Variants in QTMAN observed in about 807,000 individuals in gnomAD.
QTMAN encodes the protein queuosine-tRNA mannosyltransferase, also known as tRNA-queuosine alpha-mannosyltransferase.
chr2:144,065,264 G>A, the QTMAN span, among the ~76,000 whole-genome samples: 91 of 152,254 alleles, frequency 6.0e-4, no homozygotes, highest in African/African-American at 2.1e-3. Context: ...CAAACCAAAA[G>A]TGAGGTCTAA....
At chr2:143,994,923 T>C in the QTMAN span, among the ~76,000 whole-genome samples, 1 of 152,210 alleles carries the variant, frequency 6.6e-6, no homozygotes, top group Non-Finnish European at 1.5e-5. Context: ...TTTAAAACAG[T>C]AATGTGCTTA....
the QTMAN span, among the ~76,000 whole-genome samples, chr2:144,327,972 G>A: frequency 6.6e-6 from 1 of 152,140 alleles, no homozygotes; most frequent in African/African-American, 2.4e-5. Context: ...TTATTTTGGA[G>A]ATGGAGTCCC....
At chr2:144,108,906 T>C in the QTMAN span, among the ~76,000 whole-genome samples, 7 of 151,944 alleles carry the variant, frequency 4.6e-5, no homozygotes, top group African/African-American at 7.3e-5. Flanking sequence ...CTCAAAGAAA[T>C]AAAAGAGGAC....
chr2:143,951,802 A>G, the QTMAN span, among the ~76,000 whole-genome samples: 1 of 151,598 alleles, frequency 6.6e-6, no homozygotes, highest in Non-Finnish European at 1.5e-5. Flanking sequence ...GTATTTCATA[A>G]GACCTAGGTT....
the QTMAN span, among the ~76,000 whole-genome samples, chr2:144,140,977 C>T: frequency 3.4e-3 from 516 of 152,126 alleles, 2 homozygotes; most frequent in African/African-American, 0.012. Context: ...ACCGTTTCTA[C>T]AGCAAAATAT....
At chr2:144,326,288 T>C in the QTMAN span, among the ~76,000 whole-genome samples, 9 of 152,210 alleles carry the variant, frequency 5.9e-5, no homozygotes, top group Admixed American at 5.2e-4. Flanking sequence ...ATGCCTACAA[T>C]TTAAAATACA....
At chr2:144,030,302 T>A in the QTMAN span, among the ~76,000 whole-genome samples, 5 of 152,284 alleles carry the variant, frequency 3.3e-5, no homozygotes, top group South Asian at 1.0e-3. Flanking sequence ...TAGTGCTTAA[T>A]AATCAGCTTC....
the QTMAN span, among the ~76,000 whole-genome samples, chr2:144,183,918 T>C: frequency 2.5e-4 from 38 of 152,262 alleles, no homozygotes; most frequent in African/African-American, 4.3e-4. Flanking sequence ...TTAGAGCTCA[T>C]TGAAGCTCAA....
the QTMAN span, chr2:143,941,243 G>A: frequency 2.6e-5 from 4 of 152,156 alleles, no homozygotes; most frequent in East Asian, 7.7e-4. Flanking sequence ...TTCTCAGGAG[G>A]GCCAGGGAAG....
At chr2:144,257,678 C>T in the QTMAN span, among the ~76,000 whole-genome samples, 1 of 152,188 alleles carries the variant, frequency 6.6e-6, no homozygotes, top group East Asian at 1.9e-4. Flanking sequence ...TTCATTTAAC[C>T]CCTCTCCCTA....
the QTMAN span, among the ~76,000 whole-genome samples, chr2:144,120,037 G>A: frequency 2.0e-5 from 3 of 152,068 alleles, no homozygotes; most frequent in Non-Finnish European, 4.4e-5. Flanking sequence ...GATAGTGAAG[G>A]GTTGGAAAGA....
At chr2:144,160,175 G>A in the QTMAN span, among the ~76,000 whole-genome samples, 1 of 151,968 alleles carries the variant, frequency 6.6e-6, no homozygotes, top group South Asian at 2.1e-4. Context: ...CTATCGGAAA[G>A]ATCATGCCAT....
chr2:144,262,182 A>T, the QTMAN span, among the ~76,000 whole-genome samples: 2 of 152,172 alleles, frequency 1.3e-5, no homozygotes, highest in East Asian at 3.8e-4. Flanking sequence ...TTAGTGAGTC[A>T]GGCACTGCCA....
chr2:144,043,571 T>C, the QTMAN span, among the ~76,000 whole-genome samples: 4 of 151,082 alleles, frequency 2.6e-5, no homozygotes, highest in African/African-American at 9.8e-5. Context: ...AGGCAGAGGT[T>C]GGAGTGAGCT....
chr2:144,142,430 G>A, the QTMAN span, among the ~76,000 whole-genome samples: 1 of 151,660 alleles, frequency 6.6e-6, no homozygotes, highest in Admixed American at 6.6e-5. Context: ...TTGAATTTCT[G>A]TCAGTGATGT....
chr2:144,180,616 A>G, the QTMAN span, among the ~76,000 whole-genome samples: 1 of 152,212 alleles, frequency 6.6e-6, no homozygotes, highest in Admixed American at 6.5e-5. Flanking sequence ...CAATAATTTT[A>G]AGTTTGATCA....
chr2:144,077,843 T>C, the QTMAN span, among the ~76,000 whole-genome samples: 34 of 152,232 alleles, frequency 2.2e-4, no homozygotes, highest in Non-Finnish European at 3.8e-4. Flanking sequence ...TGATTTTCTT[T>C]GCAAATTTTT....
chr2:144,018,156 C>T, the QTMAN span, among the ~76,000 whole-genome samples: 3 of 152,062 alleles, frequency 2.0e-5, no homozygotes, highest in African/African-American at 7.2e-5. Context: ...CTTCTTAAAA[C>T]TGCATAAACC....
chr2:144,104,981 A>C, the QTMAN span, among the ~76,000 whole-genome samples: 1 of 152,224 alleles, frequency 6.6e-6, no homozygotes, highest in Non-Finnish European at 1.5e-5. Flanking sequence ...TCCACTGCTG[A>C]TACCAAGGCA....
Sources: allele counts gnomAD v4.1 joint callset (sites outside exome capture counted in the v4.1 genomes callset), GRCh38; gene constraint gnomAD v4.1.1; transcripts MANE v1.5; gene names NCBI Gene and HGNC (gene_info 2026-07-23, HGNC 2026-07-21).